Variants in KCNJ6 observed in about 807,000 individuals in gnomAD.
The protein encoded by KCNJ6 is potassium inwardly rectifying channel subfamily J member 6, also known as G protein-activated inward rectifier potassium channel 2.
In KCNJ6, 9 loss-of-function variants were observed where a neutral mutation model predicts 34.2. The ratio of observed to expected loss-of-function variants is 0.26; its 90% CI spans 0.16 to 0.46. The LOEUF is 0.46. Ranked by LOEUF, KCNJ6 falls within the 20% of genes least tolerant of loss-of-function variation. The pLI, the probability that KCNJ6 is intolerant of heterozygous loss-of-function variation, is 1.00. For missense variants in KCNJ6, 236 were observed against 531.3 expected (o/e 0.44, Z 5.46); for synonymous variants, 196 against 207.1 (o/e 0.95, Z 0.46).
chr21:37,749,275 G>T (rs896736566), intron 2 of KCNJ6, among the ~76,000 whole-genome samples: 3 of 152,186 alleles, frequency 2.0e-5, no homozygotes, highest in African/African-American at 7.2e-5. Context: ...CTTCGAGGAA[G>T]CCGGGTGTTT....
intron 3 of KCNJ6, among the ~76,000 whole-genome samples, chr21:37,667,021 C>T (rs1402385442): frequency 6.6e-6 from 1 of 151,474 alleles, no homozygotes; most frequent in African/African-American, 2.4e-5. Context: ...TGTGGAAGGC[C>T]GCAGGGACCA....
intron 2 of KCNJ6, among the ~76,000 whole-genome samples, chr21:37,738,236 C>T (rs2054923231): frequency 6.6e-6 from 1 of 152,198 alleles, no homozygotes; most frequent in African/African-American, 2.4e-5. Context: ...TTACAAACGG[C>T]CTGTACTTCC....
intron 2 of KCNJ6, among the ~76,000 whole-genome samples, chr21:37,761,965 C>T (rs1480854098): frequency 6.6e-6 from 1 of 152,114 alleles, no homozygotes; most frequent in Non-Finnish European, 1.5e-5. Context: ...GTGAGGAATG[C>T]CTGCAACGAT....
intron 2 of KCNJ6, among the ~76,000 whole-genome samples, chr21:37,834,325 G>A (rs545094575): frequency 6.6e-6 from 1 of 152,146 alleles, no homozygotes; most frequent in Non-Finnish European, 1.5e-5. Context: ...CCTGCATGAC[G>A]TTCTAGCACT....
chr21:37,889,256 T>C (rs2055750241), intron 1 of KCNJ6, among the ~76,000 whole-genome samples: 1 of 152,180 alleles, frequency 6.6e-6, no homozygotes, highest in Non-Finnish European at 1.5e-5. Flanking sequence ...GTTTTGAGGT[T>C]TGTGTTTGTG....
At chr21:37,740,645 C>A (rs2054936638) in intron 2 of KCNJ6, among the ~76,000 whole-genome samples, 1 of 152,192 alleles carries the variant, frequency 6.6e-6, no homozygotes, top group Non-Finnish European at 1.5e-5. Context: ...GTTCTCAGGA[C>A]CTCCTGAGGG....
chr21:37,693,634 T>A (rs892976074), intron 3 of KCNJ6, among the ~76,000 whole-genome samples: 2 of 152,148 alleles, frequency 1.3e-5, no homozygotes, highest in Admixed American at 1.3e-4. Flanking sequence ...AGTGAAAATT[T>A]AAAAAATTGA....
chr21:37,762,702 T>C (rs1372245334), intron 2 of KCNJ6, among the ~76,000 whole-genome samples: 2 of 152,084 alleles, frequency 1.3e-5, no homozygotes, highest in African/African-American at 4.8e-5. Flanking sequence ...GGCCATTCGG[T>C]GACCTGTGGC....
intron 2 of KCNJ6, among the ~76,000 whole-genome samples, chr21:37,798,621 A>G (rs1227708222): frequency 6.6e-6 from 1 of 152,238 alleles, no homozygotes; most frequent in Non-Finnish European, 1.5e-5. Flanking sequence ...CTGTGCTACA[A>G]CATAGATGAA....
chr21:37,822,731 T>G (rs77961453), intron 2 of KCNJ6, among the ~76,000 whole-genome samples: 1 of 152,180 alleles, frequency 6.6e-6, no homozygotes, highest in South Asian at 2.1e-4. Flanking sequence ...TAAAACCCAC[T>G]ATTGGTCTCA....
At chr21:37,824,401 G>A (rs777285801) in intron 2 of KCNJ6, among the ~76,000 whole-genome samples, 2 of 138,486 alleles carry the variant, frequency 1.4e-5, no homozygotes, top group Non-Finnish European at 3.1e-5. Flanking sequence ...CCAAAAACTG[G>A]ATGGCTTAAA....
At chr21:37,864,070 T>C (rs773691951) in intron 1 of KCNJ6, among the ~76,000 whole-genome samples, 3 of 151,822 alleles carry the variant, frequency 2.0e-5, no homozygotes, top group Middle Eastern at 3.2e-3. Flanking sequence ...AGCTGACGCT[T>C]GACAGAGACA....
chr21:37,679,015 G>A (rs775094682), intron 3 of KCNJ6, among the ~76,000 whole-genome samples: 8 of 152,258 alleles, frequency 5.3e-5, no homozygotes, highest in Admixed American at 1.3e-4. Flanking sequence ...AGGGTGCTGT[G>A]GGTTTTCTCT....
At chr21:37,758,797 C>CT (rs553684057) in intron 2 of KCNJ6, among the ~76,000 whole-genome samples, 152 of 152,226 alleles carry the variant, frequency 1.0e-3, no homozygotes, top group African/African-American at 3.6e-3. Flanking sequence ...TGCCTGCCTA[C>CT]TTTTTTGTTT....
Position 37,626,157 on chromosome 21 carries a change from G to A in KCNJ6, c.947-673C>T, listed in dbSNP as rs565741962. Among the ~76,000 whole-genome samples the A allele has an allele frequency of 3.2e-4, 48 of 148,644 alleles. No homozygotes were observed. The Middle Eastern group carries it at 0.01, about 32-fold the overall frequency. On this transcript the variant is annotated intron_variant, in intron 3 of 3. Transcript: ENST00000609713. ...TTTTTTTTTTTTTCTTTGAGATGGA[G>A]TCTCGCTGTGTCGCCCAGGCTGGAG...
Position 37,799,942 on chromosome 21 carries a change from A to G in KCNJ6, c.25+40716T>C, listed in dbSNP as rs1251905080. ...TCTTCAAAAATTCCTACAAAAAACT[A>G]TGAAAATGTGTTTTTTAGTAAGAGA... On this transcript the variant is annotated intron_variant, in intron 2 of 3. Transcript: ENST00000609713. Among the ~76,000 whole-genome samples the G allele has an allele frequency of 3.9e-5, 6 of 152,292 alleles. No homozygotes were observed. The East Asian group carries it at 1.2e-3, about 29-fold the overall frequency.
At chr21:37,890,907 G>A (rs1355890710) in intron 1 of KCNJ6, among the ~76,000 whole-genome samples, 1 of 152,148 alleles carries the variant, frequency 6.6e-6, no homozygotes, top group Non-Finnish European at 1.5e-5. Flanking sequence ...TTACAGAATC[G>A]AATCTGGCAA....
chr21:37,833,234 C>T (rs1411814571), intron 2 of KCNJ6, among the ~76,000 whole-genome samples: 1 of 152,060 alleles, frequency 6.6e-6, no homozygotes, highest in Non-Finnish European at 1.5e-5. Context: ...AGGCTGGTCT[C>T]GAACTCCTGA....
intron 2 of KCNJ6, among the ~76,000 whole-genome samples, chr21:37,827,525 GTTTT>G (rs141210365): frequency 2.0e-5 from 3 of 148,748 alleles, no homozygotes; most frequent in African/African-American, 7.4e-5. Flanking sequence ...TAACCCTTGG[GTTTT>G]TTTTTTAACC....
Sources: gnomAD v4.1 joint callset for allele counts (sites outside exome capture counted in the v4.1 genomes callset) on GRCh38, gnomAD v4.1.1 for gene constraint, MANE v1.5 for transcripts, NCBI Gene and HGNC (gene_info 2026-07-23, HGNC 2026-07-21) for gene names.